The following BACH2 variants were observed in gnomAD, a reference collection of about 807,000 sequenced individuals.
BACH2 encodes transcription regulator protein BACH2.
BACH2 carries 5 observed loss-of-function variants against 61.8 expected under a neutral mutation model. The observed-to-expected ratio is 0.08, with a 90% confidence interval of 0.04 to 0.17. The LOEUF is 0.17. Ranked by LOEUF, BACH2 falls within the 10% of genes least tolerant of loss-of-function variation. BACH2 has a pLI of 1.00. For synonymous variants in BACH2, 446 were observed against 440.1 expected (o/e 1.01, Z -0.17); for missense variants, 824 against 1,091.1 (o/e 0.76, Z 3.45).
chr6:90,225,607 C>T (rs75403848), intron 3 of BACH2, among the ~76,000 whole-genome samples: 2,444 of 151,890 alleles, frequency 0.016, 40 homozygotes, highest in East Asian at 0.071. Flanking sequence ...CATACTGGAG[C>T]CTGTTAGAGG....
chr6:90,243,832 T>C (rs2127866494), intron 3 of BACH2, among the ~76,000 whole-genome samples: 1 of 152,304 alleles, frequency 6.6e-6, no homozygotes. Flanking sequence ...AGAAAACCAT[T>C]AGAAGGCATC....
chr6:90,281,963 A>C (rs1278295207), intron 1 of BACH2, among the ~76,000 whole-genome samples: 2 of 152,142 alleles, frequency 1.3e-5, no homozygotes, highest in East Asian at 3.9e-4. Context: ...CTTCCTCTTG[A>C]CCACCAAGAA....
chr6:89,972,778 A>G (rs1314758351), intron 6 of BACH2, among the ~76,000 whole-genome samples: 2 of 151,520 alleles, frequency 1.3e-5, no homozygotes, highest in Admixed American at 6.6e-5. Context: ...AAGTTCTCAC[A>G]GGATGTAAAG....
At chr6:90,124,636 G>A (rs912181513) in intron 4 of BACH2, among the ~76,000 whole-genome samples, 1 of 151,954 alleles carries the variant, frequency 6.6e-6, no homozygotes, top group Non-Finnish European at 1.5e-5. Flanking sequence ...ATATATGTAC[G>A]GTATTCTTTT....
At chr6:90,106,889 CACCT>C (rs1328057132) in intron 4 of BACH2, among the ~76,000 whole-genome samples, 1 of 152,212 alleles carries the variant, frequency 6.6e-6, no homozygotes, top group Non-Finnish European at 1.5e-5. Flanking sequence ...GGAAGGATAA[CACCT>C]ACATACATGG....
rs539907430 is a variant in BACH2, at chr6:90,263,723, C to T, written c.-353+8126G>A. 4.6e-5 allele frequency among the ~76,000 whole-genome samples: 7 copies of T among 152,280 alleles called. No individual in the cohort carries two copies. The South Asian group carries it at 1.5e-3, about 32-fold the overall frequency. On this transcript the variant is annotated intron_variant, in intron 2 of 8. Coordinates refer to ENST00000257749, the MANE Select transcript of BACH2 (RefSeq NM_021813.4). The stretch of plus-strand genomic sequence containing the variant: ...TAAAATTATTTCTCAAAATAGTGTG[C>T]TAACACATCAGCTTTTACTCAAACC...
chr6:90,055,087 C>G (rs1300666656), intron 5 of BACH2, among the ~76,000 whole-genome samples: 1 of 152,226 alleles, frequency 6.6e-6, no homozygotes, highest in African/African-American at 2.4e-5. Context: ...CAAAGGAACA[C>G]AGCTCCTCAC....
intron 6 of BACH2, among the ~76,000 whole-genome samples, chr6:89,964,207 TAAA>T (rs61668401): frequency 5.3e-5 from 6 of 113,940 alleles, no homozygotes; most frequent in African/African-American, 1.6e-4. Context: ...AAAGTATAAT[TAAA>T]AAAAAAAAAA....
intron 3 of BACH2, among the ~76,000 whole-genome samples, chr6:90,247,667 T>C (rs895758902): frequency 1.3e-5 from 2 of 152,180 alleles, no homozygotes; most frequent in Admixed American, 6.5e-5. Flanking sequence ...CCTACTTTTT[T>C]AGTCTAATTT....
chr6:89,951,852 C>T lies in BACH2; in HGVS notation c.254G>A (p.Arg85Lys), dbSNP rs775887547. 5 of 1,609,942 alleles carry T rather than the reference C, an allele frequency of 3.1e-6. No homozygotes were observed. In the African/African-American group the frequency reaches 6.7e-5, roughly 21 times the overall value. Residue 85 changes from arginine (R) to lysine (K), a missense_variant, in exon 7 of 9, where the codon AGG becomes AAG. This residue lies in a region of BACH2 where 66 missense variants were observed against 144.8 expected (regional missense o/e 0.46). Coordinates refer to ENST00000257749, the MANE Select transcript of BACH2 (RefSeq NM_021813.4). The surrounding 1 kb of genome is among the most constrained non-coding windows in gnomAD (Gnocchi z 6.4). ...VVSLPEEVTA[R>K]GFGPLLQFAY... Reference sequence around the variant, plus strand: ...AAACTGTAACAGCGGCCCAAAGCCCCTGGCTGTGACCTGCAAAACAAACAG... The same window carrying T: ...AAACTGTAACAGCGGCCCAAAGCCCTTGGCTGTGACCTGCAAAACAAACAG...
chr6:90,185,113 T>C (rs1768308781), intron 4 of BACH2, among the ~76,000 whole-genome samples: 1 of 152,172 alleles, frequency 6.6e-6, no homozygotes, highest in African/African-American at 2.4e-5. Context: ...CAAATGTGCA[T>C]GTATGCATAG....
intron 5 of BACH2, among the ~76,000 whole-genome samples, chr6:90,031,000 T>G (rs1455393241): frequency 8.1e-6 from 1 of 122,996 alleles, no homozygotes; most frequent in Admixed American, 7.3e-5. Context: ...AAAAAGCTTA[T>G]CCACCATGAT....
intron 4 of BACH2, among the ~76,000 whole-genome samples, chr6:90,162,839 A>C (rs1206738488): frequency 6.6e-6 from 1 of 152,198 alleles, no homozygotes; most frequent in Non-Finnish European, 1.5e-5. Context: ...TGCTCTGGGC[A>C]TGACAGATGA....
chr6:89,932,635 G>A lies in BACH2; in HGVS notation c.2299C>T (p.Pro767Ser), dbSNP rs139170041. ...GCCGCGCCTGGCTCCAAGCAGCAGG[G>A]CACGTTTTCCCCCACTGCGCATTGG... is the stretch of plus-strand genomic sequence containing the variant. ...ASQCAVGENV[P>S]CCLEPGAAPP... The change falls in exon 9 of 9, where the codon CCC becomes TCC. Residue 767 changes from proline (P) to serine (S), a missense_variant. Coordinates refer to ENST00000257749, the MANE Select transcript of BACH2 (RefSeq NM_021813.4). The A allele has an allele frequency of 1.2e-6, 2 of 1,614,092 alleles. No individual in the cohort carries two copies. The highest frequency in any genetic ancestry group is 1.3e-5 in the African/African-American group (1 of 75,042).
intron 5 of BACH2, among the ~76,000 whole-genome samples, chr6:90,081,280 C>CA (rs1406215895): frequency 6.6e-6 from 1 of 152,152 alleles, no homozygotes; most frequent in African/African-American, 2.4e-5. Context: ...CATCACTAAA[C>CA]AAGTGAGCAC....
intron 6 of BACH2, among the ~76,000 whole-genome samples, chr6:89,994,914 C>T (rs1441457034): frequency 6.6e-6 from 1 of 152,218 alleles, no homozygotes; most frequent in Non-Finnish European, 1.5e-5. Context: ...CATGGCTCTT[C>T]GTATGTACAC....
At chr6:90,144,251 CTATT>C (rs1562471842) in intron 4 of BACH2, among the ~76,000 whole-genome samples, 1 of 152,144 alleles carries the variant, frequency 6.6e-6, no homozygotes, top group African/African-American at 2.4e-5. Flanking sequence ...AAAGAAAAGT[CTATT>C]TATTTAGCTC....
At chr6:90,253,890 G>C (rs1014759388) in intron 2 of BACH2, among the ~76,000 whole-genome samples, 2 of 140,512 alleles carry the variant, frequency 1.4e-5, no homozygotes, top group African/African-American at 4.9e-5. Context: ...CATCATTGCC[G>C]AACTATTTTT....
At chr6:89,968,831 T>A (rs1419488147) in intron 6 of BACH2, among the ~76,000 whole-genome samples, 1 of 152,014 alleles carries the variant, frequency 6.6e-6, no homozygotes, top group Non-Finnish European at 1.5e-5. Context: ...ACCAACATGG[T>A]GAAATCCCAT....
Sources: allele counts gnomAD v4.1 joint callset (sites outside exome capture counted in the v4.1 genomes callset), GRCh38; gene constraint gnomAD v4.1.1; regional missense constraint gnomAD v4.1.1; non-coding constraint Gnocchi (gnomAD v3.1); transcripts MANE v1.5; gene names NCBI Gene and HGNC (gene_info 2026-07-23, HGNC 2026-07-21).